KCTD16: variants seen among roughly 807,000 people sequenced by gnomAD.
KCTD16 encodes BTB/POZ domain-containing protein KCTD16.
In KCTD16, 13 loss-of-function variants were observed where a neutral mutation model predicts 33.2. That is an observed-to-expected ratio of 0.39 (90% CI 0.25 to 0.62). KCTD16 has a LOEUF of 0.62. Among genes scored for constraint, KCTD16 ranks in the 20% least tolerant of loss-of-function variants. KCTD16 has a pLI of 0.50. For synonymous variants in KCTD16, 197 were observed against 195.3 expected, an observed-to-expected ratio of 1.01 and a Z score of -0.07; for missense variants, 441 against 525.1, an observed-to-expected ratio of 0.84 and a Z score of 1.57.
At chr5:144,335,543 C>T (rs1019573307) in intron 3 of KCTD16, among the ~76,000 whole-genome samples, 1 of 151,764 alleles carries the variant, frequency 6.6e-6, no homozygotes, top group African/African-American at 2.4e-5. Context: ...TAGTGAAAGA[C>T]ACACACACAC....
chr5:144,351,115 C>T (rs1751417209), intron 3 of KCTD16, among the ~76,000 whole-genome samples: 1 of 152,108 alleles, frequency 6.6e-6, no homozygotes, highest in African/African-American at 2.4e-5. Flanking sequence ...ATCAGAAATA[C>T]GTATTACTTC....
At chr5:144,325,113 T>A (rs1752170748) in intron 3 of KCTD16, among the ~76,000 whole-genome samples, 1 of 152,242 alleles carries the variant, frequency 6.6e-6, no homozygotes, top group Non-Finnish European at 1.5e-5. Flanking sequence ...CTTTGTGTGC[T>A]ATCCATGATG....
chr5:144,290,350 G>A (rs1017721981), intron 3 of KCTD16, among the ~76,000 whole-genome samples: 9 of 152,000 alleles, frequency 5.9e-5, no homozygotes, highest in South Asian at 2.1e-4. Flanking sequence ...AAACTCTATC[G>A]TATTTCTTTG....
intron 3 of KCTD16, among the ~76,000 whole-genome samples, chr5:144,468,021 C>T (rs748348129): frequency 9.2e-5 from 14 of 152,116 alleles, no homozygotes; most frequent in Non-Finnish European, 1.5e-4. Flanking sequence ...CTCCTATCAG[C>T]GGCAGCCCAG....
intron 3 of KCTD16, among the ~76,000 whole-genome samples, chr5:144,406,306 T>A (rs530719756): frequency 1.3e-5 from 2 of 152,324 alleles, no homozygotes; most frequent in Non-Finnish European, 2.9e-5. Context: ...GTTAGTTAGT[T>A]CCTTACTTTG....
intron 3 of KCTD16, among the ~76,000 whole-genome samples, chr5:144,250,786 A>C (rs1754677139): frequency 6.6e-6 from 1 of 152,184 alleles, no homozygotes; most frequent in Admixed American, 6.5e-5. Flanking sequence ...AACAATATCT[A>C]TATGTCATCT....
chr5:144,465,759 A>G (rs1404331423), intron 3 of KCTD16, among the ~76,000 whole-genome samples: 1 of 150,992 alleles, frequency 6.6e-6, no homozygotes, highest in Admixed American at 6.6e-5. Context: ...GTAGCTCTTG[A>G]ACAATTGCTC....
intron 3 of KCTD16, among the ~76,000 whole-genome samples, chr5:144,470,829 C>T (rs1055749094): frequency 6.6e-6 from 1 of 152,186 alleles, no homozygotes; most frequent in Non-Finnish European, 1.5e-5. Context: ...GGGCTTCATG[C>T]AACTTTCCAC....
At chr5:144,207,862 G>A (rs1753237530) in intron 3 of KCTD16, among the ~76,000 whole-genome samples, 1 of 152,180 alleles carries the variant, frequency 6.6e-6, no homozygotes, top group Non-Finnish European at 1.5e-5. Flanking sequence ...AGAAAATAAG[G>A]TTGATTATTA....
At chr5:144,435,190 C>T (rs533615104) in intron 3 of KCTD16, among the ~76,000 whole-genome samples, 3 of 152,258 alleles carry the variant, frequency 2.0e-5, no homozygotes, top group African/African-American at 4.8e-5. Flanking sequence ...CCCCCTTACC[C>T]GCTCCATTTT....
chr5:144,364,464 T>C (rs1327589143), intron 3 of KCTD16, among the ~76,000 whole-genome samples: 1 of 152,236 alleles, frequency 6.6e-6, no homozygotes, highest in African/African-American at 2.4e-5. Context: ...CAAGCGAGCA[T>C]GACTCCACAG....
At chr5:144,436,587 C>G (rs969148653) in intron 3 of KCTD16, among the ~76,000 whole-genome samples, 1 of 147,696 alleles carries the variant, frequency 6.8e-6, no homozygotes, top group South Asian at 2.1e-4. Context: ...AAGTGTTTAA[C>G]TTCTTTTTTT....
chr5:144,176,635 C>T (rs1275909287), intron 2 of KCTD16, among the ~76,000 whole-genome samples: 3 of 151,700 alleles, frequency 2.0e-5, no homozygotes, highest in Admixed American at 6.6e-5. Flanking sequence ...ATCTCCTGAC[C>T]TCATGATCCA....
At chr5:144,416,883 G>C (rs1373756525) in intron 3 of KCTD16, among the ~76,000 whole-genome samples, 1 of 152,052 alleles carries the variant, frequency 6.6e-6, no homozygotes, top group African/African-American at 2.4e-5. Flanking sequence ...ATGTGATATT[G>C]TGTGTGTGGC....
chr5:144,432,515 C>A (rs1268787671), intron 3 of KCTD16, among the ~76,000 whole-genome samples: 1 of 152,100 alleles, frequency 6.6e-6, no homozygotes, highest in Non-Finnish European at 1.5e-5. Context: ...GAAATGATAT[C>A]TTTGAAAAAC....
At chr5:144,201,691 GC>G (rs1454121227) in intron 2 of KCTD16, among the ~76,000 whole-genome samples, 1 of 152,216 alleles carries the variant, frequency 6.6e-6, no homozygotes, top group East Asian at 1.9e-4. Flanking sequence ...CACACAGCCA[GC>G]CAGGCAGAAC....
chr5:144,208,734 G>A (rs1753270101), intron 3 of KCTD16, among the ~76,000 whole-genome samples: 1 of 152,190 alleles, frequency 6.6e-6, no homozygotes, highest in African/African-American at 2.4e-5. Flanking sequence ...CTAGTGGGAA[G>A]CCAAGTCATT....
intron 2 of KCTD16, among the ~76,000 whole-genome samples, chr5:144,188,931 C>A (rs1752784388): frequency 6.6e-6 from 1 of 152,166 alleles, no homozygotes; most frequent in Non-Finnish European, 1.5e-5. Context: ...CAACTATACA[C>A]AACATAATCA....
In KCTD16 at chr5:144,304,519, G is replaced by A. The variant is rs533465963; in HGVS notation, c.832+96973G>A. The stretch of plus-strand genomic sequence containing the variant: ...CTGGAGAAGAGAAGGAAAGTATTTG[G>A]CTTAATTACGCTTCACAGACAGGTT... On this transcript the variant is annotated intron_variant, in intron 3 of 3. Transcript: ENST00000512467. 3.9e-5 allele frequency among the ~76,000 whole-genome samples: 6 copies of A among 152,114 alleles called. No individual in the cohort carries two copies. The East Asian group carries it at 1.2e-3, about 29-fold the overall frequency.
Sources: gnomAD v4.1 joint callset for allele counts (sites outside exome capture counted in the v4.1 genomes callset) on GRCh38, gnomAD v4.1.1 for gene constraint, MANE v1.5 for transcripts, NCBI Gene and HGNC (gene_info 2026-07-23, HGNC 2026-07-21) for gene names.